LIN54: variants seen among roughly 807,000 people sequenced by gnomAD.
LIN54 encodes the protein protein lin-54 homolog.
LIN54 carries 9 observed loss-of-function variants against 78.7 expected under a neutral mutation model. That is an observed-to-expected ratio of 0.11 (90% CI 0.07 to 0.20). The LOEUF is 0.20. LIN54 is among the 10% of genes least tolerant of loss of function. LIN54 has a pLI of 1.00. For synonymous variants in LIN54, 269 were observed against 318.4 expected, an observed-to-expected ratio of 0.84 and a Z score of 1.65; for missense variants, 573 against 889.9, an observed-to-expected ratio of 0.64 and a Z score of 4.53.
intron 2 of LIN54, among the ~76,000 whole-genome samples, chr4:82,983,703 C>T (rs1383937116): frequency 2.0e-5 from 3 of 151,902 alleles, no homozygotes; most frequent in Non-Finnish European, 4.4e-5. Flanking sequence ...AAATAAAAGG[C>T]ACACGCTGGC....
chr4:82,946,543 C>A (rs1723373368), intron 4 of LIN54, 69 bp from the exon 5 acceptor site: 4 of 1,253,270 alleles, frequency 3.2e-6, no homozygotes, highest in Middle Eastern at 2.5e-4. Flanking sequence ...TAATTTATAA[C>A]CATTGCTCAA....
At chr4:82,941,425 C>T (rs1664618002) in intron 5 of LIN54, among the ~76,000 whole-genome samples, 1 of 152,060 alleles carries the variant, frequency 6.6e-6, no homozygotes, top group Non-Finnish European at 1.5e-5. Flanking sequence ...AGGCAGATTG[C>T]AGACATTTAT....
chr4:83,003,134 C>T (rs540135474), intron 1 of LIN54, among the ~76,000 whole-genome samples: 1 of 152,266 alleles, frequency 6.6e-6, no homozygotes, highest in East Asian at 1.9e-4. Flanking sequence ...CCGCCTCAGC[C>T]TCCTGAGTAG....
At position 82,925,017 on chromosome 4, in the gene LIN54, T is replaced by G. The variant is rs932889739; in HGVS notation, c.*3085A>C. 2 of 152,632 alleles carry G rather than the reference T, an allele frequency of 1.3e-5. No homozygotes were observed. The highest frequency in any genetic ancestry group is 4.8e-5 in the African/African-American group (2 of 41,444). The allele number at this position is 152,632 out of a possible 1,614,324, so 9.5% of individuals were successfully genotyped here. A position where few individuals can be genotyped will look rare whatever the true frequency, so the allele number is the denominator to read the frequency against. ...CATTTTACATAAGATTGAAAAAATGTCAGTTGTTCACTACCAGAAAATGGG... is the reference window on the plus strand; with the variant it reads ...CATTTTACATAAGATTGAAAAAATGGCAGTTGTTCACTACCAGAAAATGGG... On this transcript the variant is annotated 3_prime_UTR_variant, in exon 13 of 13. Transcript: ENST00000340417.
rs1258859573 is a variant in LIN54 at position 82,937,285 on chromosome 4, C to G, written c.1546G>C (p.Glu516Gln). ...GGCTTTCGGGGCCGACTGGCCGACT[C>G]TGATGGGATTATGCTGTACAGATAG... ...RLPFNGIIPS[E>Q]SASRPRKPCN... The change falls in exon 9 of 13, where the codon GAG becomes CAG. Residue 516 changes from glutamate to glutamine, a missense_variant. Physicochemically the swap from Glu to Gln is conservative, Grantham distance 29. Coordinates refer to ENST00000340417, the MANE Select transcript of LIN54 (RefSeq NM_194282.4). 1.9e-6 allele frequency: 3 copies of G among 1,593,548 alleles called. No individual in the cohort carries two copies. The highest frequency in any genetic ancestry group is 2.6e-6 in the Non-Finnish European group (3 of 1,161,438).
At chr4:82,969,708 T>C (rs1323820543) in intron 4 of LIN54, among the ~76,000 whole-genome samples, 1 of 152,242 alleles carries the variant, frequency 6.6e-6, no homozygotes, top group African/African-American at 2.4e-5. Flanking sequence ...TGGCTTTCTA[T>C]CTGAATAATA....
intron 12 of LIN54, among the ~76,000 whole-genome samples, chr4:82,928,990 A>G (rs1449272432): frequency 6.6e-6 from 1 of 152,222 alleles, no homozygotes; most frequent in Non-Finnish European, 1.5e-5. Context: ...AGCCTGTGAC[A>G]GATTAAGTCA....
At chr4:82,971,311 T>C (rs1382886658) in intron 3 of LIN54, among the ~76,000 whole-genome samples, 1 of 152,172 alleles carries the variant, frequency 6.6e-6, no homozygotes, top group Non-Finnish European at 1.5e-5. Context: ...GTCATGTCAC[T>C]ACTCCTGGCA....
intron 3 of LIN54, among the ~76,000 whole-genome samples, chr4:82,974,860 A>C (rs1177246082): frequency 4.0e-5 from 1 of 24,832 alleles, no homozygotes; most frequent in Non-Finnish European, 2.4e-4. Flanking sequence ...GACTGTCTCA[A>C]AAAAAAAAAA....
chr4:83,008,063 GT>G (rs747651303), intron 1 of LIN54, among the ~76,000 whole-genome samples: 2 of 152,046 alleles, frequency 1.3e-5, no homozygotes, highest in Non-Finnish European at 2.9e-5. Flanking sequence ...CTACTATGGT[GT>G]TTTTACCTCC....
intron 5 of LIN54, among the ~76,000 whole-genome samples, chr4:82,942,857 C>T (rs1327086431): frequency 2.8e-4 from 10 of 36,024 alleles, no homozygotes; most frequent in African/African-American, 2.7e-3. Context: ...TGCGTGTGCG[C>T]GCGCACACAC....
intron 4 of LIN54, among the ~76,000 whole-genome samples, chr4:82,950,548 A>C (rs1398227711): frequency 6.6e-6 from 1 of 152,212 alleles, no homozygotes. Flanking sequence ...CCATTACATA[A>C]AACAGTTCAC....
intron 4 of LIN54, among the ~76,000 whole-genome samples, chr4:82,949,142 A>G (rs1427219348): frequency 1.3e-5 from 2 of 152,164 alleles, no homozygotes; most frequent in Admixed American, 6.5e-5. Flanking sequence ...TCAATATACA[A>G]GGGTTCCGTT....
intron 11 of LIN54, among the ~76,000 whole-genome samples, chr4:82,933,482 T>C (rs926417019): frequency 2.0e-5 from 3 of 151,794 alleles, no homozygotes; most frequent in Admixed American, 6.6e-5. Context: ...CCTATAGGCA[T>C]TGAAAGGACA....
intron 4 of LIN54, among the ~76,000 whole-genome samples, chr4:82,954,180 T>C (rs1034293438): frequency 6.6e-6 from 1 of 152,136 alleles, no homozygotes; most frequent in African/African-American, 2.4e-5. Context: ...TTTTGACTTA[T>C]TTAATGTGAA....
intron 11 of LIN54, among the ~76,000 whole-genome samples, chr4:82,933,425 GAC>G (rs1200548266): frequency 2.7e-5 from 4 of 149,104 alleles, no homozygotes; most frequent in African/African-American, 9.8e-5. Flanking sequence ...CACAAGAAAA[GAC>G]ACAGCCATGA....
chr4:83,012,503 G>A (rs1163041929), upstream of LIN54, among the ~76,000 whole-genome samples: 1 of 152,138 alleles, frequency 6.6e-6, no homozygotes, highest in Non-Finnish European at 1.5e-5. Context: ...CCAGACCGCC[G>A]GGCAGGCGGC....
At chr4:82,975,322 T>A (rs1040157519) in intron 3 of LIN54, among the ~76,000 whole-genome samples, 4 of 146,560 alleles carry the variant, frequency 2.7e-5, no homozygotes, top group African/African-American at 1.0e-4. Flanking sequence ...GGTGACAGAG[T>A]GAAACTGCAT....
At chr4:82,939,132 C>A (rs915444776) in intron 7 of LIN54, among the ~76,000 whole-genome samples, 2 of 152,206 alleles carry the variant, frequency 1.3e-5, no homozygotes, top group African/African-American at 4.8e-5. Context: ...ATGCATCTCA[C>A]AGTTTATTTT....
Sources: gnomAD v4.1 joint callset for allele counts (sites outside exome capture counted in the v4.1 genomes callset) on GRCh38, gnomAD v4.1.1 for gene constraint, MANE v1.5 for transcripts, NCBI Gene and HGNC (gene_info 2026-07-23, HGNC 2026-07-21) for gene names.